UNC80: variants seen among roughly 807,000 people sequenced by gnomAD.
UNC80 encodes unc-80 subunit of NALCN channel complex.
UNC80 carries 164 observed loss-of-function variants against 384.6 expected under a neutral mutation model. The ratio of observed to expected loss-of-function variants is 0.43; its 90% confidence interval spans 0.38 to 0.49. UNC80 has a LOEUF of 0.49. Ranked by LOEUF, UNC80 falls within the 20% of genes least tolerant of loss-of-function variation. The probability of loss-of-function intolerance (pLI) is 0.00; values close to 1 mark genes in which losing one functional copy is unlikely to be tolerated. For synonymous variants in UNC80, 1,486 were observed against 1,527.8 expected, an observed-to-expected ratio of 0.97 and a Z score of 0.64; for missense variants, 3,330 against 4,143.0, an observed-to-expected ratio of 0.80 and a Z score of 5.39.
intron 7 of UNC80, among the ~76,000 whole-genome samples, chr2:209,810,235 G>A (rs556434814): frequency 1.1e-4 from 16 of 152,114 alleles, no homozygotes; most frequent in Non-Finnish European, 2.2e-4. Context: ...TGGCCTAAGT[G>A]GGGTGCTCTG....
intron 59 of UNC80, among the ~76,000 whole-genome samples, chr2:209,981,473 G>C (rs1279551565): frequency 1.3e-5 from 2 of 152,218 alleles, no homozygotes; most frequent in Non-Finnish European, 2.9e-5. Flanking sequence ...AGCTACTCTG[G>C]AGGCTGAGGC....
Position 209,917,791 on chromosome 2 carries a change from C to G in UNC80, c.5044C>G (p.Leu1682Val), listed in dbSNP as rs1160028634. Residue 1682 changes from leucine to valine, a missense_variant, in exon 32 of 65, where the codon CTG becomes GTG. Transcript: ENST00000673920. ...ACTGTCTCTAGCTGCCATGTTCCTG[C>G]TGTGTGCAGTGAAGGTGCCTGAGGC... The part of the protein sequence containing the change: ...MAGAAAAMFL[L>V]CAVKVPEAVS... 6.4e-7 allele frequency: 1 copy of G among 1,551,978 alleles called. No individual in the cohort carries two copies. Among genetic ancestry groups the G allele is most frequent in the Non-Finnish European group, 8.7e-7 (1 of 1,147,054 alleles).
intron 26 of UNC80, among the ~76,000 whole-genome samples, chr2:209,890,774 G>A (rs904412607): frequency 2.2e-4 from 33 of 152,148 alleles, no homozygotes; most frequent in African/African-American, 7.5e-4. Flanking sequence ...AATACCTGGT[G>A]AATTGTAGGT....
chr2:209,864,515 T>A (rs1380504674), intron 22 of UNC80, among the ~76,000 whole-genome samples: 2 of 152,150 alleles, frequency 1.3e-5, no homozygotes, highest in Non-Finnish European at 2.9e-5. Flanking sequence ...CCCCAGGGTC[T>A]CAGGCCCAGG....
Position 209,888,276 on chromosome 2 carries a change from G to T in UNC80, c.4276+16G>T, listed in dbSNP as rs1170532986. The T allele has an allele frequency of 1.3e-6, 2 of 1,550,988 alleles. No homozygotes were observed. Among genetic ancestry groups the T allele is most frequent in the South Asian group, 1.2e-5 (1 of 84,006 alleles). ...GAGAAGAAAGGTATGGAAACACAAA[G>T]GTTCCTTCATGTTTCAGGGTTTCTT... On this transcript the variant is annotated intron_variant, in intron 26 of 64. Transcript: ENST00000673920.
intron 22 of UNC80, among the ~76,000 whole-genome samples, chr2:209,851,948 T>G (rs527532308): frequency 6.6e-6 from 1 of 152,232 alleles, no homozygotes; most frequent in African/African-American, 2.4e-5. Flanking sequence ...CCCAATAGCT[T>G]AAACGTGGTT....
At position 209,820,543 on chromosome 2, in the gene UNC80, C is replaced by G; in HGVS notation, c.2195C>G (p.Pro732Arg). Reference protein sequence around the residue: ...SGSSTCGFGGPAVSGAGDGGG... With the variant: ...SGSSTCGFGGRAVSGAGDGGG... ...AGTTCCACCTGTGGATTCGGAGGCC[C>G]TGCTGTTAGTGGAGCTGGAGATGGT... The change falls in exon 13 of 65, where the codon CCT (proline) becomes CGT (arginine). Residue 732 changes from proline (P) to arginine (R), a missense_variant. Around this residue, in one of 8 missense-constraint regions of UNC80, gnomAD observed 937 missense variants for 1,026.8 expected, o/e 0.91. Coordinates refer to ENST00000673920, the MANE Select transcript of UNC80 (RefSeq NM_001371986.1). The G allele has an allele frequency of 6.4e-7, 1 of 1,550,790 alleles. No homozygotes were observed. Among genetic ancestry groups the G allele is most frequent in the Non-Finnish European group, 8.7e-7 (1 of 1,146,786 alleles).
Position 209,777,356 on chromosome 2 carries a change from G to T in UNC80, c.397G>T (p.Gly133Trp), listed in dbSNP as rs759136302. ...CCAGGACTGCAACAATGAGCGGTTTGGGGGTACAGACCGAGGCTCCAGCTG... is the reference window on the plus strand; with the variant it reads ...CCAGGACTGCAACAATGAGCGGTTTTGGGGTACAGACCGAGGCTCCAGCTG... Reference protein sequence around the residue: ...APQDCNNERFGGTDRGSSWGG... With the variant: ...APQDCNNERFWGTDRGSSWGG... Residue 133 changes from glycine to tryptophan, a missense_variant, in exon 4 of 65, where the codon GGG (glycine) becomes TGG (tryptophan). Gly to Trp is a radical substitution (Grantham distance 184). This residue lies in a region of UNC80 where 937 missense variants were observed against 1,026.8 expected (regional missense o/e 0.91). Transcript: ENST00000673920. 6.2e-7 allele frequency: 1 copy of T among 1,614,178 alleles called. No homozygotes were observed. Among genetic ancestry groups the T allele is most frequent in the Non-Finnish European group, 8.5e-7 (1 of 1,180,040 alleles).
intron 8 of UNC80, among the ~76,000 whole-genome samples, chr2:209,814,990 G>A (rs920955754): frequency 1.3e-5 from 2 of 150,824 alleles, no homozygotes; most frequent in African/African-American, 4.9e-5. Context: ...AAAAAAAAGA[G>A]AGATCCATCT....
At chr2:209,945,009 T>C (rs928268864) in intron 45 of UNC80, 42 bp from the exon 46 acceptor site, 2 of 1,544,852 alleles carry the variant, frequency 1.3e-6, no homozygotes, top group East Asian at 2.4e-5. Flanking sequence ...ATAGTTTTAC[T>C]GTGGTGGGAG....
At chr2:209,961,690 A>G (rs2092595584) in intron 51 of UNC80, among the ~76,000 whole-genome samples, 1 of 152,216 alleles carries the variant, frequency 6.6e-6, no homozygotes, top group Admixed American at 6.5e-5. Context: ...ATCATAATAT[A>G]AATAAGTTAA....
chr2:209,995,672 T>G lies in UNC80; in HGVS notation c.*77T>G. 6.8e-7 allele frequency: 1 copy of G among 1,463,916 alleles called. No individual in the cohort carries two copies. Among genetic ancestry groups the G allele is most frequent in the Non-Finnish European group, 9.1e-7 (1 of 1,096,014 alleles). The allele number at this position is 1,463,916 out of a possible 1,614,324, so 90.7% of individuals were successfully genotyped here. On this transcript the variant is annotated 3_prime_UTR_variant, in exon 65 of 65. Coordinates refer to ENST00000673920, the MANE Select transcript of UNC80 (RefSeq NM_001371986.1). Reference sequence around the variant, plus strand: ...TCTACTACAAGTTCAATACTTTTGCTTGAAAAAGATTAATTACAAAATAGC... The same window carrying G: ...TCTACTACAAGTTCAATACTTTTGCGTGAAAAAGATTAATTACAAAATAGC...
rs1269738110 is a variant in UNC80, at chr2:209,976,916, C to T, written c.8776C>T (p.Leu2926=). ...GAATGTTATGCCTTCCTTTCAGCTGCTGGCCCAACCAGCAGAGAATCATGA... is the reference window on the plus strand; with the variant it reads ...GAATGTTATGCCTTCCTTTCAGCTGTTGGCCCAACCAGCAGAGAATCATGA... The part of the protein sequence containing the change: ...LLRPFIQCKL[L]AQPAENHEEL... The change falls in exon 58 of 65, where the codon CTG becomes TTG. Residue 2926 remains leucine, a synonymous_variant. Transcript: ENST00000673920. The surrounding 1 kb of genome is among the most constrained non-coding windows in gnomAD (Gnocchi z 4.3). 1 of 1,510,174 alleles carries T rather than the reference C, an allele frequency of 6.6e-7. No homozygotes were observed. The highest frequency in any genetic ancestry group is 2.0e-5 in the Admixed American group (1 of 50,058). The allele number at this position is 1,510,174 out of a possible 1,614,324, so 93.5% of individuals were successfully genotyped here.
intron 4 of UNC80, among the ~76,000 whole-genome samples, chr2:209,781,261 C>A (rs1369812069): frequency 6.6e-6 from 1 of 152,112 alleles, no homozygotes; most frequent in Non-Finnish European, 1.5e-5. Context: ...TTACAACTAC[C>A]CACAGGGATG....
chr2:209,965,710 C>T (rs928955863), intron 51 of UNC80, among the ~76,000 whole-genome samples: 2 of 152,080 alleles, frequency 1.3e-5, no homozygotes, highest in African/African-American at 4.8e-5. Context: ...CGTGAGCCAA[C>T]ACACCCGGCC....
At chr2:209,858,616 C>T (rs1421014648) in intron 22 of UNC80, among the ~76,000 whole-genome samples, 1 of 151,532 alleles carries the variant, frequency 6.6e-6, no homozygotes, top group Non-Finnish European at 1.5e-5. Context: ...ATAGCTTGAA[C>T]CCAGGAAACA....
chr2:209,902,723 G>A (rs2087555233), intron 28 of UNC80, among the ~76,000 whole-genome samples: 1 of 152,154 alleles, frequency 6.6e-6, no homozygotes. Flanking sequence ...ATTAAGGTAT[G>A]TACATTGGTT....
intron 12 of UNC80, 82 bp downstream of exon 12, chr2:209,819,343 C>T: frequency 7.5e-7 from 1 of 1,325,486 alleles, no homozygotes; most frequent in Non-Finnish European, 1.0e-6. Context: ...ATAAAATGGG[C>T]ATATAGATTC....
At position 209,935,679 on chromosome 2, in the gene UNC80, A is replaced by G. The variant is rs185943954; in HGVS notation, c.6179-35A>G. 959 of 1,195,974 alleles carry G rather than the reference A, an allele frequency of 8.0e-4. 8 individuals carry two copies. In the African/African-American group the frequency reaches 0.013, roughly 17 times the overall value. 74.1% of individuals were successfully genotyped at this position (1,195,974 alleles called of 1,614,324 possible). On this transcript the variant is annotated intron_variant, in intron 39 of 64. Coordinates refer to ENST00000673920, the MANE Select transcript of UNC80 (RefSeq NM_001371986.1). ...CTTTAAAATACAAATTTTCTATAGT[A>G]AAAGTCAGTTTGTTATTATTTTTAT...
Sources: allele counts gnomAD v4.1 joint callset (sites outside exome capture counted in the v4.1 genomes callset), GRCh38; gene constraint gnomAD v4.1.1; regional missense constraint gnomAD v4.1.1; non-coding constraint Gnocchi (gnomAD v3.1); transcripts MANE v1.5; gene names NCBI Gene and HGNC (gene_info 2026-07-23, HGNC 2026-07-21).